Variants in SASH1 observed in about 807,000 individuals in gnomAD.
SASH1 encodes the protein SAM and SH3 domain containing 1.
A neutral mutation model predicts 125.2 loss-of-function variants in SASH1; 44 were observed. The ratio of observed to expected loss-of-function variants is 0.35; its 90% CI spans 0.28 to 0.45. The LOEUF (loss-of-function observed/expected upper bound fraction) is 0.45. SASH1 is among the 20% of genes least tolerant of loss of function. SASH1 has a pLI of 1.00. For synonymous variants in SASH1, 639 were observed against 649.1 expected, an observed-to-expected ratio of 0.98 and a Z score of 0.24; for missense variants, 1,426 against 1,614.5, an observed-to-expected ratio of 0.88 and a Z score of 2.00.
rs1048241664 is a variant in SASH1, at chr6:148,407,673, C to T, written c.285+17411C>T. On this transcript the variant is annotated intron_variant, in intron 2 of 19. Coordinates refer to ENST00000367467, the MANE Select transcript of SASH1 (RefSeq NM_015278.5). ...TTTGAGATGGAGTCTTGCTCTGTCACTCCGGCTGGAGTGCAGTGGCGCAGT... is the reference window on the plus strand; with the variant it reads ...TTTGAGATGGAGTCTTGCTCTGTCATTCCGGCTGGAGTGCAGTGGCGCAGT... 2.0e-5 allele frequency among the ~76,000 whole-genome samples: 3 copies of T among 152,192 alleles called. No individual in the cohort carries two copies. The South Asian group carries it at 6.2e-4, about 32-fold the overall frequency.
chr6:148,482,791 C>A (rs1778687472), intron 7 of SASH1, among the ~76,000 whole-genome samples: 1 of 151,566 alleles, frequency 6.6e-6, no homozygotes, highest in South Asian at 2.1e-4. Context: ...CAGGTTCAAG[C>A]AATTCTCCTG....
chr6:148,442,523 T>TCA (rs1411001495), intron 4 of SASH1, among the ~76,000 whole-genome samples: 3 of 150,510 alleles, frequency 2.0e-5, no homozygotes, highest in African/African-American at 7.3e-5. Flanking sequence ...CTGAGCTTTC[T>TCA]CTCTCTCTCT....
At chr6:148,457,949 C>G (rs532480901) in intron 4 of SASH1, among the ~76,000 whole-genome samples, 1 of 152,288 alleles carries the variant, frequency 6.6e-6, no homozygotes, top group South Asian at 2.1e-4. Flanking sequence ...GTAACCGCCC[C>G]CATGATTAAA....
chr6:148,453,800 G>A (rs570457044), intron 4 of SASH1, among the ~76,000 whole-genome samples: 19 of 152,356 alleles, frequency 1.2e-4, no homozygotes, highest in Admixed American at 5.9e-4. Context: ...AACTGCAGAA[G>A]GAGGTATGGT....
intron 10 of SASH1, among the ~76,000 whole-genome samples, chr6:148,524,097 T>TTA (rs371819726): frequency 0.027 from 2,142 of 79,486 alleles, 35 homozygotes; most frequent in Middle Eastern, 0.067. Context: ...ATTCAGTTAA[T>TTA]TATATATATA....
rs138069524 is a variant in SASH1, at chr6:148,468,528, T to G, written c.387-17T>G. 1.8e-4 allele frequency: 290 copies of G among 1,601,400 alleles called. No individual in the cohort carries two copies. In the African/African-American group the frequency reaches 3.5e-3, roughly 19 times the overall value. ...AAGCAAGGCTCTCTGGTAATCTGATTTGTTTTTCTTTTCTAGGAACCCTCT... is the reference window on the plus strand; with the variant it reads ...AAGCAAGGCTCTCTGGTAATCTGATGTGTTTTTCTTTTCTAGGAACCCTCT... On this transcript the variant is annotated splice_polypyrimidine_tract_variant and intron_variant, in intron 4 of 19. Coordinates refer to ENST00000367467, the MANE Select transcript of SASH1 (RefSeq NM_015278.5).
chr6:148,200,977 CT>C, the SASH1 span, among the ~76,000 whole-genome samples: 1 of 152,190 alleles, frequency 6.6e-6, no homozygotes, highest in South Asian at 2.1e-4. Context: ...GACAAGATCA[CT>C]TCCTCTCCAC....
intron 4 of SASH1, among the ~76,000 whole-genome samples, chr6:148,449,389 C>CTT (rs35961652): frequency 2.2e-5 from 3 of 137,156 alleles, no homozygotes; most frequent in Non-Finnish European, 4.7e-5. Context: ...TAATTTCTTT[C>CTT]TTTTTTTTTT....
At chr6:148,483,242 CAA>C (rs973386326) in intron 7 of SASH1, among the ~76,000 whole-genome samples, 27 of 152,150 alleles carry the variant, frequency 1.8e-4, no homozygotes, top group Non-Finnish European at 3.4e-4. Flanking sequence ...TGAGAAGAAA[CAA>C]GAGGGAGAGG....
intron 1 of SASH1, among the ~76,000 whole-genome samples, chr6:148,319,120 C>T (rs1197592544): frequency 2.7e-5 from 4 of 147,268 alleles, no homozygotes; most frequent in Non-Finnish European, 6.0e-5. Flanking sequence ...GCAAGCTCCG[C>T]CTCCCGAGTT....
At chr6:148,489,739 T>C (rs1779020382) in intron 8 of SASH1, among the ~76,000 whole-genome samples, 1 of 152,096 alleles carries the variant, frequency 6.6e-6, no homozygotes. Flanking sequence ...TAAGTGACAA[T>C]GCTTTTTAAA....
the SASH1 span, among the ~76,000 whole-genome samples, chr6:148,242,266 G>C: frequency 6.6e-6 from 1 of 152,098 alleles, no homozygotes; most frequent in South Asian, 2.1e-4. Flanking sequence ...AAACAGAAAG[G>C]GTGGGAAAAT....
chr6:148,263,925 TG>T, the SASH1 span, among the ~76,000 whole-genome samples: 1 of 152,140 alleles, frequency 6.6e-6, no homozygotes, highest in African/African-American at 2.4e-5. Context: ...TTATGTATAT[TG>T]GGGATGCTAA....
chr6:148,310,627 T>G (rs1232227721), intron 1 of SASH1, among the ~76,000 whole-genome samples: 1 of 152,166 alleles, frequency 6.6e-6, no homozygotes, highest in African/African-American at 2.4e-5. Context: ...TTGCAAAGTA[T>G]GTATTTGATA....
At chr6:148,272,965 G>A (rs1048334018) in intron 1 of SASH1, among the ~76,000 whole-genome samples, 5 of 152,012 alleles carry the variant, frequency 3.3e-5, no homozygotes, top group African/African-American at 1.2e-4. Context: ...ATTAAAAAAG[G>A]GGTTTATATT....
intron 3 of SASH1, 27 bp from the exon 4 acceptor site, chr6:148,440,331 A>G: frequency 6.2e-7 from 1 of 1,613,058 alleles, no homozygotes; most frequent in Non-Finnish European, 8.5e-7. Context: ...CTCTGACCAC[A>G]CTGACTATAC....
intron 8 of SASH1, chr6:148,508,714 A>G: frequency 8.3e-7 from 1 of 1,206,502 alleles, no homozygotes; most frequent in South Asian, 1.5e-5. Context: ...AGCCTGCCTG[A>G]TCATGTAACT....
At chr6:148,400,708 G>A (rs77781653) in intron 2 of SASH1, among the ~76,000 whole-genome samples, 2,958 of 152,222 alleles carry the variant, frequency 0.019, 214 homozygotes, top group East Asian at 0.14. Flanking sequence ...CCATGATAGC[G>A]CCACTACACT....
intron 2 of SASH1, among the ~76,000 whole-genome samples, chr6:148,397,580 G>A (rs1022865765): frequency 6.6e-6 from 1 of 152,110 alleles, no homozygotes; most frequent in African/African-American, 2.4e-5. Flanking sequence ...CACGTCACCC[G>A]CAGCCCAGCA....
Sources: allele counts gnomAD v4.1 joint callset (sites outside exome capture counted in the v4.1 genomes callset), GRCh38; gene constraint gnomAD v4.1.1; transcripts MANE v1.5; gene names NCBI Gene and HGNC (gene_info 2026-07-23, HGNC 2026-07-21).